Variants in CNTN5 observed in about 807,000 individuals in gnomAD.
CNTN5 encodes contactin 5.
Under a neutral mutation model 129.1 loss-of-function variants are expected in CNTN5, and 77 were observed. That is an observed-to-expected ratio of 0.60 (90% CI 0.50 to 0.72). The LOEUF (loss-of-function observed/expected upper bound fraction) is 0.72. CNTN5 is among the 30% of genes least tolerant of loss of function. The pLI is 0.00. For missense variants in CNTN5, 1,478 were observed against 1,328.8 expected (o/e 1.11, Z -1.75); for synonymous variants, 509 against 465.6 (o/e 1.09, Z -1.20).
At chr11:99,518,829 C>G (rs1205588686) in intron 2 of CNTN5, among the ~76,000 whole-genome samples, 1 of 151,882 alleles carries the variant, frequency 6.6e-6, no homozygotes, top group Non-Finnish European at 1.5e-5. Flanking sequence ...CATTGTCTAC[C>G]TCCAGTGCAA....
At chr11:99,735,349 A>C (rs1490494557) in intron 3 of CNTN5, among the ~76,000 whole-genome samples, 2 of 152,216 alleles carry the variant, frequency 1.3e-5, no homozygotes, top group East Asian at 3.8e-4. Flanking sequence ...TATTTTCTCA[A>C]TAGTAAAACT....
At chr11:99,389,353 T>A (rs1941114746) in intron 2 of CNTN5, among the ~76,000 whole-genome samples, 1 of 152,022 alleles carries the variant, frequency 6.6e-6, no homozygotes, top group African/African-American at 2.4e-5. Flanking sequence ...CTATCCCAGG[T>A]TAAACACCTT....
At chr11:99,231,868 G>A (rs1459922236) in intron 1 of CNTN5, among the ~76,000 whole-genome samples, 2 of 152,068 alleles carry the variant, frequency 1.3e-5, no homozygotes, top group Non-Finnish European at 2.9e-5. Context: ...TCTGCATATG[G>A]CTAGTAAGTT....
chr11:100,271,956 T>A (rs373368408), intron 18 of CNTN5, among the ~76,000 whole-genome samples: 1 of 152,212 alleles, frequency 6.6e-6, no homozygotes, highest in Non-Finnish European at 1.5e-5. Flanking sequence ...TTGGACAAAG[T>A]CTCATTGAGG....
At chr11:100,267,734 T>C (rs1950334619) in intron 17 of CNTN5, among the ~76,000 whole-genome samples, 1 of 152,170 alleles carries the variant, frequency 6.6e-6, no homozygotes, top group South Asian at 2.1e-4. Flanking sequence ...CATACAGTAC[T>C]TGGGTTTTCA....
chr11:100,001,093 T>C (rs1939842168), intron 8 of CNTN5, among the ~76,000 whole-genome samples: 1 of 152,176 alleles, frequency 6.6e-6, no homozygotes, highest in South Asian at 2.1e-4. Flanking sequence ...CTATTAACAC[T>C]CAGCTCCTCG....
At chr11:99,266,216 A>G (rs1206997172) in intron 1 of CNTN5, among the ~76,000 whole-genome samples, 2 of 152,176 alleles carry the variant, frequency 1.3e-5, no homozygotes, top group Non-Finnish European at 2.9e-5. Context: ...CATAATATCA[A>G]TACAACATTT....
chr11:99,328,979 A>C, intron 2 of CNTN5, among the ~76,000 whole-genome samples: 1 of 152,046 alleles, frequency 6.6e-6, no homozygotes. Context: ...GGTGTGAAAC[A>C]TTGTAATCTG....
intron 3 of CNTN5, among the ~76,000 whole-genome samples, chr11:99,662,695 C>T (rs1433247918): frequency 6.6e-6 from 1 of 152,130 alleles, no homozygotes; most frequent in Non-Finnish European, 1.5e-5. Flanking sequence ...TTTAGGAGCT[C>T]AAGTACATTT....
chr11:99,451,268 A>G (rs1295873651), intron 2 of CNTN5, among the ~76,000 whole-genome samples: 1 of 152,206 alleles, frequency 6.6e-6, no homozygotes, highest in Non-Finnish European at 1.5e-5. Context: ...TTCTTAGAAT[A>G]ACATTGAGCC....
chr11:99,518,407 C>A (rs1400547724), intron 2 of CNTN5, among the ~76,000 whole-genome samples: 1 of 151,972 alleles, frequency 6.6e-6, no homozygotes, highest in African/African-American at 2.4e-5. Flanking sequence ...TACAGTAGAC[C>A]CACAAATTTA....
chr11:99,669,843 T>C (rs1373442729), intron 3 of CNTN5, among the ~76,000 whole-genome samples: 1 of 152,134 alleles, frequency 6.6e-6, no homozygotes, highest in African/African-American at 2.4e-5. Flanking sequence ...ATTTTCTCAT[T>C]CAACACCCTG....
intron 3 of CNTN5, among the ~76,000 whole-genome samples, chr11:99,765,349 C>G (rs924448517): frequency 6.6e-6 from 1 of 151,638 alleles, no homozygotes; most frequent in African/African-American, 2.4e-5. Context: ...TCATGTGTTT[C>G]ACTCACTGGG....
intron 3 of CNTN5, among the ~76,000 whole-genome samples, chr11:99,816,926 A>G (rs1034903173): frequency 6.6e-6 from 1 of 152,044 alleles, no homozygotes; most frequent in Non-Finnish European, 1.5e-5. Flanking sequence ...TTCTTTCCCT[A>G]CTGAAGACTT....
intron 9 of CNTN5, among the ~76,000 whole-genome samples, chr11:100,007,007 A>T (rs1351223412): frequency 6.6e-6 from 1 of 152,250 alleles, no homozygotes; most frequent in South Asian, 2.1e-4. Flanking sequence ...CTCTTGGGTA[A>T]TGAGATGCAT....
chr11:99,627,730 T>G (rs619807), intron 3 of CNTN5, among the ~76,000 whole-genome samples: 92,536 of 151,322 alleles, frequency 0.61, 29,167 homozygotes, highest in Admixed American at 0.74. Context: ...TCTTATGCAC[T>G]TGTTGGTCTT....
At chr11:100,116,662 A>G (rs1945850530) in intron 13 of CNTN5, among the ~76,000 whole-genome samples, 1 of 151,968 alleles carries the variant, frequency 6.6e-6, no homozygotes, top group Admixed American at 6.6e-5. Context: ...ATTTTATTTT[A>G]CCTGTATAAT....
chr11:99,943,866 G>A (rs1279774110), intron 7 of CNTN5, among the ~76,000 whole-genome samples: 1 of 152,054 alleles, frequency 6.6e-6, no homozygotes, highest in Admixed American at 6.6e-5. Flanking sequence ...TTATTTCTGA[G>A]GCCTCTGTTC....
intron 4 of CNTN5, among the ~76,000 whole-genome samples, chr11:99,825,860 T>A (rs551202123): frequency 6.6e-6 from 1 of 152,240 alleles, no homozygotes; most frequent in South Asian, 2.1e-4. Flanking sequence ...TTATTTTTGC[T>A]TATTCACCCA....
Sources: allele counts gnomAD v4.1 joint callset (sites outside exome capture counted in the v4.1 genomes callset), GRCh38; gene constraint gnomAD v4.1.1; transcripts MANE v1.5; gene names NCBI Gene and HGNC (gene_info 2026-07-23, HGNC 2026-07-21).